The following DHX15 variants were observed in gnomAD, a reference collection of about 807,000 sequenced individuals.
DHX15 encodes ATP-dependent RNA helicase DHX15.
In DHX15, 11 loss-of-function variants were observed where a neutral mutation model predicts 94.4. The ratio of observed to expected loss-of-function variants is 0.12; its 90% CI spans 0.07 to 0.19. DHX15 has a LOEUF of 0.19. Ranked by LOEUF, DHX15 falls within the 10% of genes least tolerant of loss-of-function variation. The probability of loss-of-function intolerance (pLI) is 1.00; values close to 1 mark genes in which losing one functional copy is unlikely to be tolerated. For synonymous variants in DHX15, 338 were observed against 329.9 expected (o/e 1.02, Z -0.27); for missense variants, 304 against 988.5 (o/e 0.31, Z 9.29).
At chr4:24,528,139 C>A in intron 13 of DHX15, 98 bp from the exon 14 acceptor site, 2 of 725,374 alleles carry the variant, frequency 2.8e-6, no homozygotes, top group Non-Finnish European at 2.3e-6. Flanking sequence ...TACTGATGAA[C>A]CAAGGCAAAT....
At chr4:24,529,873 A>G in intron 12 of DHX15, 103 bp from the exon 13 acceptor site, 1 of 1,150,246 alleles carries the variant, frequency 8.7e-7, no homozygotes, top group South Asian at 1.3e-5. Flanking sequence ...TTTACTTTTC[A>G]TTCTATGGCT....
At chr4:24,551,617 C>G (rs1408834707) in intron 5 of DHX15, among the ~76,000 whole-genome samples, 1 of 151,858 alleles carries the variant, frequency 6.6e-6, no homozygotes, top group African/African-American at 2.4e-5. Flanking sequence ...TATAACAAAG[C>G]GAACAAATAT....
In DHX15 at chr4:24,547,901, GTGTA is replaced by G. The variant is rs1560765692; in HGVS notation, c.1248+950_1248+953del. Among the ~76,000 whole-genome samples the G allele has an allele frequency of 2.4e-3, 34 of 14,176 alleles. 1 individual carries two copies. The highest frequency in any genetic ancestry group is 3.9e-3 in the African/African-American group (21 of 5,386). 9.3% of individuals were successfully genotyped at this position (14,176 alleles called of 152,430 possible). On this transcript the variant is annotated intron_variant, in intron 6 of 13. Coordinates refer to ENST00000336812, the MANE Select transcript of DHX15 (RefSeq NM_001358.3). ...TCTCTCTCTCTCTCTATGTATGTAT[GTGTA>G]TATATATATATATATATATATATAT...
At chr4:24,540,335 T>A in intron 9 of DHX15, 36 bp from the exon 10 acceptor site, 1 of 1,546,438 alleles carries the variant, frequency 6.5e-7, no homozygotes, top group Admixed American at 2.0e-5. Flanking sequence ...ACACGGTGCC[T>A]TAAGCAAGCA....
chr4:24,569,789 C>G (rs1722081708), intron 3 of DHX15, among the ~76,000 whole-genome samples: 1 of 151,996 alleles, frequency 6.6e-6, no homozygotes, highest in Admixed American at 6.6e-5. Context: ...GAAATGTGGT[C>G]TTGCTATGTT....
chr4:24,551,187 T>C (rs1273724927), intron 5 of DHX15, among the ~76,000 whole-genome samples: 1 of 152,228 alleles, frequency 6.6e-6, no homozygotes, highest in Admixed American at 6.5e-5. Flanking sequence ...GACAAATGTA[T>C]TCTAAATTTT....
chr4:24,558,544 TG>T (rs1369787896), intron 3 of DHX15, among the ~76,000 whole-genome samples: 1 of 152,158 alleles, frequency 6.6e-6, no homozygotes, highest in Non-Finnish European at 1.5e-5. Context: ...AATATTTTAT[TG>T]TGCTTTATTA....
At chr4:24,567,353 C>A (rs150383238) in intron 3 of DHX15, among the ~76,000 whole-genome samples, 2 of 151,022 alleles carry the variant, frequency 1.3e-5, no homozygotes, top group African/African-American at 4.9e-5. Context: ...CAGAGGCGGG[C>A]GGATCACAAG....
intron 11 of DHX15, among the ~76,000 whole-genome samples, chr4:24,535,000 T>A (rs1184187632): frequency 6.6e-6 from 1 of 150,644 alleles, no homozygotes; most frequent in African/African-American, 2.4e-5. Flanking sequence ...AAGGTGGCAA[T>A]CAGTGATTAA....
chr4:24,560,035 G>A (rs115765106), intron 3 of DHX15, among the ~76,000 whole-genome samples: 23 of 152,200 alleles, frequency 1.5e-4, no homozygotes, highest in African/African-American at 5.3e-4. Context: ...GTACTGAACA[G>A]TATCAACCTA....
chr4:24,533,210 A>G, intron 11 of DHX15, 156 bp from the exon 12 acceptor site: 1 of 680,138 alleles, frequency 1.5e-6, no homozygotes, highest in Non-Finnish European at 2.6e-6. Flanking sequence ...AATGTTACCA[A>G]CTTTCTCAAA....
At chr4:24,577,652 C>T (rs920438465) in intron 1 of DHX15, among the ~76,000 whole-genome samples, 3 of 152,122 alleles carry the variant, frequency 2.0e-5, no homozygotes, top group African/African-American at 7.2e-5. Flanking sequence ...CTGGTATCTA[C>T]TTCCAGTTAC....
At chr4:24,545,072 C>T (rs1220936028) in intron 6 of DHX15, among the ~76,000 whole-genome samples, 1 of 152,148 alleles carries the variant, frequency 6.6e-6, no homozygotes. Flanking sequence ...GATCATGGCA[C>T]AGAACTCCAC....
intron 5 of DHX15, among the ~76,000 whole-genome samples, chr4:24,552,635 G>A (rs1377983890): frequency 6.6e-6 from 1 of 152,178 alleles, no homozygotes; most frequent in African/African-American, 2.4e-5. Flanking sequence ...ACAAAAATGA[G>A]AAGGTAATAT....
chr4:24,536,851 AT>A (rs780981091), intron 11 of DHX15, among the ~76,000 whole-genome samples, 199 bp downstream of exon 11: 71 of 152,304 alleles, frequency 4.7e-4, no homozygotes, highest in Non-Finnish European at 9.0e-4. Context: ...TTGGTGCTTT[AT>A]CCCCTGATTA....
chr4:24,582,221 G>C (rs73246478), intron 1 of DHX15, among the ~76,000 whole-genome samples: 7,357 of 152,268 alleles, frequency 0.048, 236 homozygotes, highest in Non-Finnish European at 0.074. Context: ...ATAGAAATGA[G>C]TATAAAAACT....
At chr4:24,528,155 A>C in intron 13 of DHX15, 114 bp from the exon 14 acceptor site, 1 of 656,280 alleles carries the variant, frequency 1.5e-6, no homozygotes, top group Non-Finnish European at 2.7e-6. Flanking sequence ...CAAATCTATG[A>C]ATTCAAGTCT....
At chr4:24,569,253 GAAATAGTTAA>G (rs1366394601) in intron 3 of DHX15, among the ~76,000 whole-genome samples, 2 of 152,150 alleles carry the variant, frequency 1.3e-5, no homozygotes, top group African/African-American at 4.8e-5. Context: ...AAATAAGACT[GAAATAGTTAA>G]AAGTCGATGA....
intron 2 of DHX15, among the ~76,000 whole-genome samples, chr4:24,571,848 G>A (rs548132784): frequency 6.6e-6 from 1 of 152,138 alleles, no homozygotes. Context: ...CTGAAAGGGA[G>A]GGTAATTATG....
Sources: gnomAD v4.1 joint callset for allele counts (sites outside exome capture counted in the v4.1 genomes callset) on GRCh38, gnomAD v4.1.1 for gene constraint, MANE v1.5 for transcripts, NCBI Gene and HGNC (gene_info 2026-07-23, HGNC 2026-07-21) for gene names.